Variants in WWOX observed in about 807,000 individuals in gnomAD.
WWOX encodes the protein WW domain containing oxidoreductase.
In WWOX, 69 loss-of-function variants were observed where a neutral mutation model predicts 46.2. That is an observed-to-expected ratio of 1.49 (90% CI 1.23 to 1.82). WWOX has a LOEUF of 1.82. Ranked by LOEUF, WWOX falls within the 40% of genes most tolerant of loss-of-function variation. The pLI, the probability that WWOX is intolerant of heterozygous loss-of-function variation, is 0.00. For synonymous variants in WWOX, 359 were observed against 202.6 expected (o/e 1.77, Z -6.56); for missense variants, 919 against 542.6 (o/e 1.69, Z -6.89).
intron 8 of WWOX, among the ~76,000 whole-genome samples, chr16:78,549,014 A>G (rs1249995007): frequency 6.6e-6 from 1 of 152,208 alleles, no homozygotes; most frequent in Non-Finnish European, 1.5e-5. Context: ...GCTTTTAAAC[A>G]TCATACTTTT....
At chr16:78,651,518 G>C (rs992945939) in intron 8 of WWOX, among the ~76,000 whole-genome samples, 6 of 152,222 alleles carry the variant, frequency 3.9e-5, no homozygotes, top group East Asian at 1.9e-4. Context: ...CATGAGGCCA[G>C]AGTCTATCCT....
chr16:78,452,479 T>C (rs2083715712), intron 8 of WWOX, among the ~76,000 whole-genome samples: 2 of 148,614 alleles, frequency 1.3e-5, no homozygotes, highest in Non-Finnish European at 1.5e-5. Flanking sequence ...CTCTCTCTTT[T>C]TTTTTTTTTT....
At chr16:78,528,199 C>T (rs541991496) in intron 8 of WWOX, among the ~76,000 whole-genome samples, 3 of 71,806 alleles carry the variant, frequency 4.2e-5, no homozygotes, top group South Asian at 1.1e-3. Flanking sequence ...CATTTTTAGT[C>T]GAGACAGGGT....
chr16:78,664,942 C>G (rs777094970), intron 8 of WWOX, among the ~76,000 whole-genome samples: 3 of 152,176 alleles, frequency 2.0e-5, no homozygotes, highest in Non-Finnish European at 4.4e-5. Flanking sequence ...AGCCTAATAG[C>G]CTAAACCCTG....
intron 8 of WWOX, among the ~76,000 whole-genome samples, chr16:79,092,317 A>T (rs889070435): frequency 6.6e-6 from 1 of 152,212 alleles, no homozygotes; most frequent in African/African-American, 2.4e-5. Flanking sequence ...GGAGCTAGGA[A>T]TCAATCGTGC....
At chr16:79,035,473 C>T (rs2047847667) in intron 8 of WWOX, among the ~76,000 whole-genome samples, 1 of 152,110 alleles carries the variant, frequency 6.6e-6, no homozygotes, top group African/African-American at 2.4e-5. Context: ...TGTACTCCGG[C>T]TGCTCCTTTA....
chr16:79,078,697 A>G (rs1269085146), intron 8 of WWOX, among the ~76,000 whole-genome samples: 1 of 152,186 alleles, frequency 6.6e-6, no homozygotes, highest in Non-Finnish European at 1.5e-5. Context: ...GACTTGATGG[A>G]TAAAGGGAGA....
At chr16:78,616,417 A>C (rs1199512873) in intron 8 of WWOX, among the ~76,000 whole-genome samples, 2 of 152,036 alleles carry the variant, frequency 1.3e-5, no homozygotes, top group East Asian at 3.9e-4. Flanking sequence ...ATAGGTGTCC[A>C]TCTTGCTATT....
At chr16:79,164,787 G>C (rs762027190) in intron 8 of WWOX, among the ~76,000 whole-genome samples, 1 of 152,152 alleles carries the variant, frequency 6.6e-6, no homozygotes, top group Non-Finnish European at 1.5e-5. Flanking sequence ...CAGTGACAGA[G>C]GCAAGGAGAC....
At chr16:78,646,388 C>G (rs1368791085) in intron 8 of WWOX, among the ~76,000 whole-genome samples, 12 of 152,034 alleles carry the variant, frequency 7.9e-5, no homozygotes, top group Non-Finnish European at 1.5e-5. Context: ...CCATCTTAGC[C>G]CTTCTTTCCT....
rs1167895557 is a variant in WWOX, at chr16:78,726,932, GC to G, written c.1056+294181del. 3.3e-5 allele frequency among the ~76,000 whole-genome samples: 5 copies of G among 152,290 alleles called. No homozygotes were observed. In the East Asian group the frequency reaches 9.7e-4, roughly 29 times the overall value. ...CCGTGGGTGGCTCTAACCTGTTAGG[GC>G]TGTCTGCACAGTGCTGAGCTTTTGT... On this transcript the variant is annotated intron_variant, in intron 8 of 8. Coordinates refer to ENST00000566780, the MANE Select transcript of WWOX (RefSeq NM_016373.4).
chr16:78,263,809 G>A (rs534369167), intron 5 of WWOX, among the ~76,000 whole-genome samples: 1 of 152,144 alleles, frequency 6.6e-6, no homozygotes, highest in South Asian at 2.1e-4. Context: ...CAGTACACCT[G>A]CCTCCAATGA....
chr16:78,458,505 C>G (rs2083879911), intron 8 of WWOX, among the ~76,000 whole-genome samples: 1 of 152,098 alleles, frequency 6.6e-6, no homozygotes, highest in Non-Finnish European at 1.5e-5. Flanking sequence ...AAGCCATCCT[C>G]CCACCTCAGT....
chr16:78,521,046 C>T (rs2043338425), intron 8 of WWOX, among the ~76,000 whole-genome samples: 1 of 152,180 alleles, frequency 6.6e-6, no homozygotes, highest in African/African-American at 2.4e-5. Flanking sequence ...TGGAAACACA[C>T]TCCCTGAGCC....
At chr16:78,386,012 G>A (rs72796084) in intron 5 of WWOX, among the ~76,000 whole-genome samples, 8,037 of 152,260 alleles carry the variant, frequency 0.053, 283 homozygotes, top group East Asian at 0.12. Flanking sequence ...ATGGCCAATG[G>A]AACACCATTG....
intron 8 of WWOX, among the ~76,000 whole-genome samples, chr16:78,491,457 G>A (rs890158427): frequency 6.6e-6 from 1 of 152,158 alleles, no homozygotes; most frequent in Non-Finnish European, 1.5e-5. Context: ...GGTACTCGAT[G>A]TGTTGTTTTC....
intron 8 of WWOX, among the ~76,000 whole-genome samples, chr16:79,199,150 C>T (rs1443647706): frequency 6.6e-6 from 1 of 152,210 alleles, no homozygotes; most frequent in Non-Finnish European, 1.5e-5. Context: ...GCAACCTCTG[C>T]CTCCTGGCTT....
intron 5 of WWOX, among the ~76,000 whole-genome samples, chr16:78,359,386 G>T (rs1388083746): frequency 1.3e-5 from 2 of 152,088 alleles, no homozygotes; most frequent in African/African-American, 4.8e-5. Context: ...GTTTTTTTCT[G>T]CTGTGCTTAA....
intron 5 of WWOX, among the ~76,000 whole-genome samples, chr16:78,319,133 A>C (rs2080413902): frequency 6.6e-6 from 1 of 152,062 alleles, no homozygotes; most frequent in Admixed American, 6.6e-5. Context: ...GCAGCATGAG[A>C]AGGACACCGC....
Sources: allele counts gnomAD v4.1 joint callset (sites outside exome capture counted in the v4.1 genomes callset), GRCh38; gene constraint gnomAD v4.1.1; transcripts MANE v1.5; gene names NCBI Gene and HGNC (gene_info 2026-07-23, HGNC 2026-07-21).